The following SLC2A12 variants were observed in gnomAD, a reference collection of about 807,000 sequenced individuals.
SLC2A12 encodes solute carrier family 2 member 12.
In SLC2A12, 23 loss-of-function variants were observed where a neutral mutation model predicts 41.8. The observed-to-expected ratio is 0.55, with a 90% CI of 0.40 to 0.78. SLC2A12 has a LOEUF of 0.78. Ranked by LOEUF, SLC2A12 falls within the 30% of genes least tolerant of loss-of-function variation. SLC2A12 has a pLI of 0.00. For synonymous variants in SLC2A12, 295 were observed against 285.9 expected, an observed-to-expected ratio of 1.03 and a Z score of -0.32; for missense variants, 654 against 745.6, an observed-to-expected ratio of 0.88 and a Z score of 1.43.
chr6:133,995,359 G>A (rs560881888), intron 4 of SLC2A12, among the ~76,000 whole-genome samples: 97 of 151,714 alleles, frequency 6.4e-4, no homozygotes, highest in Non-Finnish European at 1.1e-3. Flanking sequence ...GGTGAAGGGG[G>A]CTCTCATAGG....
intron 1 of SLC2A12, among the ~76,000 whole-genome samples, chr6:134,051,191 G>A (rs1381881633): frequency 6.6e-6 from 1 of 152,174 alleles, no homozygotes; most frequent in Admixed American, 6.5e-5. Context: ...CTCCCAAAGT[G>A]CTGAGATTAC....
chr6:134,039,849 C>G (rs903978456), intron 1 of SLC2A12, among the ~76,000 whole-genome samples: 1 of 151,558 alleles, frequency 6.6e-6, no homozygotes, highest in Admixed American at 6.6e-5. Context: ...GTGTGTGGCC[C>G]CTCTCCCTCC....
rs756463883 is a variant in SLC2A12 at position 134,029,536 on chromosome 6, C to T, written c.289G>A (p.Gly97Arg). 6.2e-6 allele frequency: 10 copies of T among 1,614,006 alleles called. No individual in the cohort carries two copies. Among genetic ancestry groups the T allele is most frequent in the Admixed American group, 1.7e-5 (1 of 59,996 alleles). ...VIGALLASLT[G>R]GVLIDRYGRR... The stretch of plus-strand genomic sequence containing the variant: ...CCATATCTGTCTATCAGGACCCCTC[C>T]GGTGAGTGAGGCAAGGAGGGCTCCA... The change falls in exon 2 of 5, where the codon GGA becomes AGA. Residue 97 changes from glycine to arginine, a missense_variant. This residue lies in a region of SLC2A12 where 109 missense variants were observed against 153.0 expected (regional missense o/e 0.71). Coordinates refer to ENST00000275230, the MANE Select transcript of SLC2A12 (RefSeq NM_145176.3).
At chr6:134,018,003 T>C (rs1776986710) in intron 2 of SLC2A12, among the ~76,000 whole-genome samples, 1 of 152,018 alleles carries the variant, frequency 6.6e-6, no homozygotes, top group South Asian at 2.1e-4. Flanking sequence ...TGACCTAGGA[T>C]TGAACTATGT....
chr6:134,049,589 C>A (rs1773645551), intron 1 of SLC2A12, among the ~76,000 whole-genome samples: 1 of 152,162 alleles, frequency 6.6e-6, no homozygotes, highest in Admixed American at 6.6e-5. Context: ...CTCTAGGCAC[C>A]AGAATTTCAA....
intron 4 of SLC2A12, among the ~76,000 whole-genome samples, chr6:133,993,541 T>C (rs1352630322): frequency 2.0e-5 from 3 of 152,254 alleles, no homozygotes. Flanking sequence ...GCCAAGGAAT[T>C]GTTCCAAGTG....
chr6:134,006,787 T>A, intron 3 of SLC2A12, 25 bp downstream of exon 3: 1 of 1,613,158 alleles, frequency 6.2e-7, no homozygotes, highest in South Asian at 1.1e-5. Context: ...ACCAAAGACA[T>A]TAGAGGAAAA....
In SLC2A12 at chr6:134,028,262, G is replaced by A. The variant is rs573133134; in HGVS notation, c.1444+119C>T. 15 of 1,308,734 alleles carry A rather than the reference G, an allele frequency of 1.1e-5. No homozygotes were observed. The African/African-American group carries it at 1.6e-4, about 14-fold the overall frequency. 81.1% of individuals were successfully genotyped at this position (1,308,734 alleles called of 1,614,324 possible). A position where few individuals can be genotyped will look rare whatever the true frequency, so the allele number is the denominator to read the frequency against. On this transcript the variant is annotated intron_variant, in intron 2 of 4. Transcript: ENST00000275230. ...CCAAGCATACTTTCTGCATTAGAAG[G>A]AACATCAGATGACCAATGTTATCCT... is the stretch of plus-strand genomic sequence containing the variant.
chr6:134,045,724 T>C (rs989073487), intron 1 of SLC2A12, among the ~76,000 whole-genome samples: 4 of 152,166 alleles, frequency 2.6e-5, no homozygotes, highest in Non-Finnish European at 2.9e-5. Flanking sequence ...ATTACAGTAG[T>C]AGAACCACTT....
rs990951816 is a variant in SLC2A12, at chr6:133,990,221, A to G, written c.*934T>C. The G allele has an allele frequency of 2.0e-5, 3 of 152,628 alleles. No individual in the cohort carries two copies. The highest frequency in any genetic ancestry group is 6.5e-5 in the Admixed American group (1 of 15,272). 9.5% of individuals were successfully genotyped at this position (152,628 alleles called of 1,614,324 possible). On this transcript the variant is annotated 3_prime_UTR_variant, in exon 5 of 5. Coordinates refer to ENST00000275230, the MANE Select transcript of SLC2A12 (RefSeq NM_145176.3). ...TAGCCTGTGTACCGTAACCTGAGGT[A>G]GTGATATTCCTGAGGAGTGTGAAGA...
chr6:133,992,293 G>A (rs577970094), intron 4 of SLC2A12, among the ~76,000 whole-genome samples: 1 of 152,288 alleles, frequency 6.6e-6, no homozygotes, highest in Non-Finnish European at 1.5e-5. Context: ...GATGTAGGTA[G>A]GTTAGAAGAT....
chr6:134,010,834 G>A (rs1037917640), intron 2 of SLC2A12, among the ~76,000 whole-genome samples: 1 of 152,178 alleles, frequency 6.6e-6, no homozygotes, highest in African/African-American at 2.4e-5. Flanking sequence ...ATTCATAGGG[G>A]TATTCAATGG....
intron 1 of SLC2A12, among the ~76,000 whole-genome samples, chr6:134,040,610 C>T (rs948122269): frequency 2.6e-5 from 4 of 152,156 alleles, no homozygotes; most frequent in Non-Finnish European, 5.9e-5. Context: ...AGGTGGCTGC[C>T]GCAGCTCCAG....
intron 2 of SLC2A12, among the ~76,000 whole-genome samples, chr6:134,007,529 T>G (rs1582601778): frequency 2.0e-5 from 3 of 152,236 alleles, no homozygotes; most frequent in Admixed American, 6.5e-5. Context: ...GATTTGATTA[T>G]TGTACCAGAC....
chr6:134,035,456 G>A (rs930558629), intron 1 of SLC2A12, among the ~76,000 whole-genome samples: 1 of 152,156 alleles, frequency 6.6e-6, no homozygotes, highest in African/African-American at 2.4e-5. Context: ...GACAGGCCTT[G>A]CTGGGTTTCT....
chr6:134,045,177 CTT>C (rs776954545), intron 1 of SLC2A12, among the ~76,000 whole-genome samples: 2 of 152,154 alleles, frequency 1.3e-5, no homozygotes, highest in Non-Finnish European at 2.9e-5. Context: ...TATCGAGAAA[CTT>C]ATAATCTTAT....
At chr6:134,014,743 G>C (rs1776932696) in intron 2 of SLC2A12, among the ~76,000 whole-genome samples, 1 of 152,180 alleles carries the variant, frequency 6.6e-6, no homozygotes, top group Non-Finnish European at 1.5e-5. Flanking sequence ...TCATTTTCAA[G>C]GTCATAGAAC....
intron 2 of SLC2A12, among the ~76,000 whole-genome samples, chr6:134,013,272 A>G (rs2114444384): frequency 6.6e-6 from 1 of 152,206 alleles, no homozygotes; most frequent in South Asian, 2.1e-4. Flanking sequence ...GGGTGACAAG[A>G]GTGAAATTCT....
At chr6:134,018,031 C>T (rs957069771) in intron 2 of SLC2A12, among the ~76,000 whole-genome samples, 2 of 152,014 alleles carry the variant, frequency 1.3e-5, no homozygotes, top group South Asian at 2.1e-4. Flanking sequence ...AGCCACAATC[C>T]GGTCTCTGTG....
Sources: gnomAD v4.1 joint callset for allele counts (sites outside exome capture counted in the v4.1 genomes callset) on GRCh38, gnomAD v4.1.1 for gene constraint, gnomAD v4.1.1 regional missense constraint, MANE v1.5 for transcripts, NCBI Gene and HGNC (gene_info 2026-07-23, HGNC 2026-07-21) for gene names.